Variants in RYR3 observed in about 807,000 individuals in gnomAD.
The protein encoded by RYR3 is brain ryanodine receptor-calcium release channel.
Under a neutral mutation model 584.3 loss-of-function variants are expected in RYR3, and 207 were observed. That is an observed-to-expected ratio of 0.35 (90% CI 0.32 to 0.40). RYR3 has a LOEUF of 0.40. Ranked by LOEUF, RYR3 falls within the 10% of genes least tolerant of loss-of-function variation. RYR3 has a pLI of 1.00. For missense variants in RYR3, 5,616 were observed against 6,089.2 expected, an observed-to-expected ratio of 0.92 and a Z score of 2.59; for synonymous variants, 2,416 against 2,248.5, an observed-to-expected ratio of 1.07 and a Z score of -2.11.
chr15:33,826,453 T>C (rs1161369590), intron 83 of RYR3, among the ~76,000 whole-genome samples, 184 bp downstream of exon 83: 1 of 152,184 alleles, frequency 6.6e-6, no homozygotes, highest in Non-Finnish European at 1.5e-5. Context: ...CGTGAGCCAT[T>C]TACTCTCCTT....
intron 98 of RYR3, among the ~76,000 whole-genome samples, chr15:33,855,435 C>A (rs1371016086): frequency 6.6e-6 from 1 of 152,324 alleles, no homozygotes. Context: ...AACGCCTGAT[C>A]TCAGGTGATC....
At chr15:33,331,147 A>G (rs541068865) in intron 1 of RYR3, among the ~76,000 whole-genome samples, 3 of 152,246 alleles carry the variant, frequency 2.0e-5, no homozygotes, top group African/African-American at 4.8e-5. Context: ...TCATCCTACT[A>G]TATATTTTTA....
chr15:33,591,750 A>G (rs2059139928), intron 16 of RYR3, among the ~76,000 whole-genome samples: 2 of 152,230 alleles, frequency 1.3e-5, no homozygotes, highest in Admixed American at 6.5e-5. Flanking sequence ...CCTTTGAGAA[A>G]AATATATGAT....
Position 33,415,504 on chromosome 15 carries a change from TA to T in RYR3, c.52-57902del, listed in dbSNP as rs577779982. Among the ~76,000 whole-genome samples, 406 of 146,334 alleles carry T rather than the reference TA, an allele frequency of 2.8e-3. 4 individuals are homozygous for T. In the South Asian group the frequency reaches 0.031, roughly 11 times the overall value. Reference sequence around the variant, plus strand: ...ATTTGGTGAAAGAGATACTCTTTTTTAAAAAAAAAAAAATTACAGTACAGTA... The same window carrying T: ...ATTTGGTGAAAGAGATACTCTTTTTTAAAAAAAAAAAATTACAGTACAGTA... On this transcript the variant is annotated intron_variant, in intron 1 of 103. Coordinates refer to ENST00000634891, the MANE Select transcript of RYR3 (RefSeq NM_001036.6).
intron 57 of RYR3, among the ~76,000 whole-genome samples, chr15:33,754,783 G>A (rs1815948431): frequency 1.3e-5 from 2 of 152,168 alleles, no homozygotes; most frequent in East Asian, 1.9e-4. Context: ...TTTACAGCTA[G>A]CATGTAAATT....
intron 18 of RYR3, among the ~76,000 whole-genome samples, chr15:33,609,019 C>T (rs1300306212): frequency 6.6e-6 from 1 of 152,232 alleles, no homozygotes; most frequent in Non-Finnish European, 1.5e-5. Flanking sequence ...ATGAAAGCTG[C>T]TCTTTGTCTT....
intron 2 of RYR3, among the ~76,000 whole-genome samples, chr15:33,485,234 C>T (rs1171497470): frequency 4.6e-5 from 7 of 152,106 alleles, no homozygotes; most frequent in Admixed American, 3.3e-4. Flanking sequence ...GGAGGGAGCT[C>T]TTTCAATGGC....
At chr15:33,404,054 C>T (rs530967658) in intron 1 of RYR3, among the ~76,000 whole-genome samples, 1 of 152,260 alleles carries the variant, frequency 6.6e-6, no homozygotes, top group East Asian at 1.9e-4. Context: ...TGTTACTGTT[C>T]TTTCAGAAGT....
chr15:33,327,440 C>T (rs1184027257), intron 1 of RYR3, among the ~76,000 whole-genome samples: 3 of 152,190 alleles, frequency 2.0e-5, no homozygotes, highest in East Asian at 3.9e-4. Context: ...TTGCTACCCT[C>T]GCTCTGGCCC....
intron 45 of RYR3, among the ~76,000 whole-genome samples, chr15:33,725,839 G>A (rs1297948721): frequency 4.0e-5 from 6 of 150,876 alleles, no homozygotes; most frequent in African/African-American, 1.2e-4. Flanking sequence ...GTGTGGTGGC[G>A]GGCGCCTGTA....
chr15:33,808,612 C>T lies in RYR3; in HGVS notation c.10026+1043C>T, dbSNP rs192201360. Among the ~76,000 whole-genome samples the T allele has an allele frequency of 1.2e-4, 19 of 152,242 alleles. No individual in the cohort carries two copies. The East Asian group carries it at 2.7e-3, about 22-fold the overall frequency. On this transcript the variant is annotated intron_variant, in intron 70 of 103. Transcript: ENST00000634891. ...TCTATGTTTTATGGATGATTTGAAACATTTTCAAGGGTAATTTCGACTATA... is the reference window on the plus strand; with the variant it reads ...TCTATGTTTTATGGATGATTTGAAATATTTTCAAGGGTAATTTCGACTATA...
At chr15:33,793,968 A>G (rs1236870063) in intron 67 of RYR3, among the ~76,000 whole-genome samples, 1 of 99,494 alleles carries the variant, frequency 1.0e-5, no homozygotes, top group South Asian at 5.1e-4. Flanking sequence ...ATTTATGTAA[A>G]TGTATATATA....
rs2071149103 is a variant in RYR3 at position 33,750,265 on chromosome 15, T to G, written c.8378T>G (p.Val2793Gly). ...KAQDLFKFLQVNGIIVSRGMK... is the reference protein window; with the variant it reads ...KAQDLFKFLQGNGIIVSRGMK... ...CAGGACCTGTTTAAGTTCCTCCAAG[T>G]GAATGGCATCATAGTTTCCAGGTAA... Residue 2793 changes from valine to glycine, a missense_variant, in exon 57 of 104, where the codon GTG (valine) becomes GGG (glycine). Coordinates refer to ENST00000634891, the MANE Select transcript of RYR3 (RefSeq NM_001036.6). 3 of 1,611,076 alleles carry G rather than the reference T, an allele frequency of 1.9e-6. No individual in the cohort carries two copies. The highest frequency in any genetic ancestry group is 2.5e-6 in the Non-Finnish European group (3 of 1,178,644).
At chr15:33,840,799 C>T (rs369429539) in intron 89 of RYR3, 26 bp from the exon 90 acceptor site, 1 of 1,612,116 alleles carries the variant, frequency 6.2e-7, no homozygotes, top group East Asian at 2.2e-5. Flanking sequence ...TTGAGGAAAG[C>T]TTGACTAATT....
At chr15:33,549,069 GTT>G (rs66718943) in intron 9 of RYR3, among the ~76,000 whole-genome samples, 106,881 of 151,300 alleles carry the variant, frequency 0.71, 39,152 homozygotes, top group Middle Eastern at 0.85. Flanking sequence ...ATATGCACAC[GTT>G]TTTTTTTTCT....
chr15:33,629,894 A>T lies in RYR3; in HGVS notation c.2680-46A>T, dbSNP rs758310894. ...CTGTTCTGTTTTCCCATGCAGTGCC[A>T]GCTGGTCAAAACTTAAATCACATTC... On this transcript the variant is annotated intron_variant, in intron 21 of 103. Transcript: ENST00000634891. 5 of 1,081,252 alleles carry T rather than the reference A, an allele frequency of 4.6e-6. No individual in the cohort carries two copies. The East Asian group carries it at 7.5e-5, about 16-fold the overall frequency. The allele number at this position is 1,081,252 out of a possible 1,614,324, so 67.0% of individuals were successfully genotyped here.
chr15:33,530,724 G>GGA, intron 4 of RYR3, 58 bp downstream of exon 4: 1 of 1,239,844 alleles, frequency 8.1e-7, no homozygotes, highest in Non-Finnish European at 1.2e-6. Context: ...CTGAAGAGGG[G>GGA]GAAATACAGG....
intron 60 of RYR3, among the ~76,000 whole-genome samples, chr15:33,764,767 C>T (rs918173125): frequency 3.3e-5 from 5 of 152,120 alleles, no homozygotes; most frequent in Non-Finnish European, 7.4e-5. Context: ...GACACGGTGG[C>T]TCATGCCTGT....
intron 15 of RYR3, among the ~76,000 whole-genome samples, chr15:33,585,450 T>G (rs974313926): frequency 1.4e-4 from 22 of 152,006 alleles, no homozygotes; most frequent in Non-Finnish European, 1.0e-4. Context: ...CTATCCAGTG[T>G]GCCAAAAAAA....
Sources: allele counts gnomAD v4.1 joint callset (sites outside exome capture counted in the v4.1 genomes callset), GRCh38; gene constraint gnomAD v4.1.1; transcripts MANE v1.5; gene names NCBI Gene and HGNC (gene_info 2026-07-23, HGNC 2026-07-21).